Variants in CMTM7 observed in about 807,000 individuals in gnomAD.
CMTM7 encodes CKLF-like MARVEL transmembrane domain-containing protein 7.
In CMTM7, 7 loss-of-function variants were observed where a neutral mutation model predicts 19.3. The ratio of observed to expected loss-of-function variants is 0.36; its 90% CI spans 0.21 to 0.68. The LOEUF is 0.68. Among genes scored for constraint, CMTM7 ranks in the 30% least tolerant of loss-of-function variants. CMTM7 has a pLI of 0.60. For missense variants in CMTM7, 193 were observed against 232.6 expected (o/e 0.83, Z 1.11); for synonymous variants, 87 against 99.3 (o/e 0.88, Z 0.74).
intron 1 of CMTM7, among the ~76,000 whole-genome samples, chr3:32,408,557 A>G (rs1696121602): frequency 7.7e-6 from 1 of 129,950 alleles, no homozygotes; most frequent in Non-Finnish European, 1.8e-5. Flanking sequence ...AAACGGAACA[A>G]TAAAGACAGA....
chr3:32,396,090 T>G (rs1372975163), intron 1 of CMTM7, among the ~76,000 whole-genome samples: 1 of 152,076 alleles, frequency 6.6e-6, no homozygotes, highest in Non-Finnish European at 1.5e-5. Context: ...AATAGGCAAA[T>G]GCGTAGACAC....
At chr3:32,414,008 G>A (rs930295902) in intron 1 of CMTM7, among the ~76,000 whole-genome samples, 1 of 152,108 alleles carries the variant, frequency 6.6e-6, no homozygotes, top group African/African-American at 2.4e-5. Context: ...AGGAAGGCCT[G>A]GTCTGCTTGC....
intron 1 of CMTM7, among the ~76,000 whole-genome samples, chr3:32,436,785 G>A (rs1286851390): frequency 1.3e-5 from 2 of 152,086 alleles, no homozygotes; most frequent in African/African-American, 2.4e-5. Context: ...GAGGGCTCAG[G>A]TCTGCTGAGG....
chr3:32,397,932 C>T (rs890855820), intron 1 of CMTM7, among the ~76,000 whole-genome samples: 5 of 152,066 alleles, frequency 3.3e-5, no homozygotes, highest in South Asian at 4.2e-4. Context: ...GGAAGGTAAA[C>T]GTTCTGATAG....
intron 4 of CMTM7, 107 bp downstream of exon 4, chr3:32,452,580 C>A: frequency 8.7e-7 from 1 of 1,148,772 alleles, no homozygotes; most frequent in Non-Finnish European, 1.3e-6. Context: ...GGCTGTGTTC[C>A]AAGGGGACTT....
chr3:32,429,899 G>A (rs1244376231), intron 1 of CMTM7, among the ~76,000 whole-genome samples: 5 of 152,040 alleles, frequency 3.3e-5, no homozygotes, highest in South Asian at 2.1e-4. Flanking sequence ...GCGCCCAGCC[G>A]AGCAGTGTAT....
rs371888544 is a variant in CMTM7 at position 32,454,222 on chromosome 3, C to T, written c.515-19C>T. On this transcript the variant is annotated intron_variant, in intron 4 of 4. Coordinates refer to ENST00000334983, the MANE Select transcript of CMTM7 (RefSeq NM_138410.4). Reference sequence around the variant, plus strand: ...CCACATCCCTGGCAAGCTGTCCTGACTGCCATTTCCTTCCCAAGATGCAGC... The same window carrying T: ...CCACATCCCTGGCAAGCTGTCCTGATTGCCATTTCCTTCCCAAGATGCAGC... 57 of 1,591,232 alleles carry T rather than the reference C, an allele frequency of 3.6e-5. No individual in the cohort carries two copies. The African/African-American group carries it at 6.0e-4, about 17-fold the overall frequency.
chr3:32,430,741 C>T (rs949091747), intron 1 of CMTM7, among the ~76,000 whole-genome samples: 5 of 120,652 alleles, frequency 4.1e-5, no homozygotes, highest in Non-Finnish European at 7.1e-5. Flanking sequence ...TGACCCTTTG[C>T]TTCTGAGTGT....
At chr3:32,422,348 C>T (rs1374285838) in intron 1 of CMTM7, among the ~76,000 whole-genome samples, 2 of 152,230 alleles carry the variant, frequency 1.3e-5, no homozygotes, top group Non-Finnish European at 2.9e-5. Context: ...ACTTCTGGCA[C>T]GGGCCCAGGG....
chr3:32,453,533 A>G (rs1696866990), intron 4 of CMTM7, among the ~76,000 whole-genome samples: 1 of 152,202 alleles, frequency 6.6e-6, no homozygotes, highest in African/African-American at 2.4e-5. Flanking sequence ...TGTGCAGTTT[A>G]TTTAACTTGC....
intron 1 of CMTM7, among the ~76,000 whole-genome samples, chr3:32,392,986 C>T (rs1461814655): frequency 6.6e-6 from 1 of 152,140 alleles, no homozygotes; most frequent in Non-Finnish European, 1.5e-5. Context: ...GTTTGTGAGT[C>T]TCCACCATTG....
chr3:32,447,422 A>G (rs553745775), intron 2 of CMTM7, among the ~76,000 whole-genome samples: 2 of 152,278 alleles, frequency 1.3e-5, no homozygotes, highest in South Asian at 2.1e-4. Flanking sequence ...TAGAGTTTTT[A>G]TAGAGGATTT....
intron 1 of CMTM7, among the ~76,000 whole-genome samples, chr3:32,396,981 A>T (rs141506849): frequency 6.6e-6 from 1 of 152,362 alleles, no homozygotes; most frequent in East Asian, 1.9e-4. Context: ...GCAGAATCAG[A>T]TGACTGTGAC....
intron 4 of CMTM7, among the ~76,000 whole-genome samples, 153 bp from the exon 5 acceptor site, chr3:32,454,088 T>A (rs1696874391): frequency 6.6e-6 from 1 of 152,144 alleles, no homozygotes. Flanking sequence ...GGAAATGTAT[T>A]TTTAAAAAAT....
At chr3:32,415,128 A>C (rs1696240583) in intron 1 of CMTM7, among the ~76,000 whole-genome samples, 1 of 150,214 alleles carries the variant, frequency 6.7e-6, no homozygotes. Context: ...TGGATTAAAA[A>C]CTCCTCTGGC....
chr3:32,452,429 G>C lies in CMTM7; in HGVS notation c.470G>C (p.Ser157Thr), dbSNP rs758334935. 1 of 1,614,190 alleles carries C rather than the reference G, an allele frequency of 6.2e-7. No individual in the cohort carries two copies. Among genetic ancestry groups the C allele is most frequent in the Non-Finnish European group, 8.5e-7 (1 of 1,180,044 alleles). Residue 157 changes from serine to threonine, a missense_variant, in exon 4 of 5, where the codon AGC (serine) becomes ACC (threonine). Ser to Thr is a moderately conservative substitution (Grantham distance 58). Coordinates refer to ENST00000334983, the MANE Select transcript of CMTM7 (RefSeq NM_138410.4). ...GFMATFLCMA[S>T]IWLSYKISCV... is the part of the protein sequence containing the mutation. ...ATGGCCACCTTCCTCTGCATGGCAA[G>C]CATATGGCTGTCCTATAAGATCTCG...
chr3:32,441,932 C>T lies in CMTM7; in HGVS notation c.252C>T (p.Asp84=), dbSNP rs1696683351. The change falls in exon 2 of 5, where the codon GAC becomes GAT. Residue 84 remains aspartate, a synonymous_variant. Transcript: ENST00000334983. ...ACTTTGAAGTGGTCACCATTTGCGA[C>T]TTGATAATGATCCTCGCCTTTTACC... ...YSYFEVVTIC[D]LIMILAFYLV... is the part of the protein sequence containing the mutation. The T allele has an allele frequency of 6.2e-7, 1 of 1,614,074 alleles. No homozygotes were observed. The highest frequency in any genetic ancestry group is 8.5e-7 in the Non-Finnish European group (1 of 1,180,036).
At chr3:32,406,855 GA>G (rs887485805) in intron 1 of CMTM7, among the ~76,000 whole-genome samples, 2 of 152,204 alleles carry the variant, frequency 1.3e-5, no homozygotes, top group African/African-American at 4.8e-5. Context: ...GCCCTATTTT[GA>G]GGCAAGGGAG....
chr3:32,436,560 A>C (rs1559411990), intron 1 of CMTM7, among the ~76,000 whole-genome samples: 1 of 152,132 alleles, frequency 6.6e-6, no homozygotes, highest in Non-Finnish European at 1.5e-5. Context: ...AAAGCCTCTT[A>C]GAGTTGGGTC....
Sources: allele counts gnomAD v4.1 joint callset (sites outside exome capture counted in the v4.1 genomes callset), GRCh38; gene constraint gnomAD v4.1.1; transcripts MANE v1.5; gene names NCBI Gene and HGNC (gene_info 2026-07-23, HGNC 2026-07-21).